The following WWTR1 variants were observed in gnomAD, a reference collection of about 807,000 sequenced individuals.
The protein encoded by WWTR1 is WW domain-containing transcription regulator protein 1.
In WWTR1, 13 loss-of-function variants were observed where a neutral mutation model predicts 40.1. The observed-to-expected ratio is 0.32, with a 90% CI of 0.21 to 0.52. The LOEUF is 0.52. WWTR1 is among the 20% of genes least tolerant of loss of function. The pLI is 0.97. For synonymous variants in WWTR1, 230 were observed against 210.1 expected (o/e 1.09, Z -0.82); for missense variants, 436 against 523.1 (o/e 0.83, Z 1.63).
intron 2 of WWTR1, among the ~76,000 whole-genome samples, chr3:149,574,743 CCTTGCGTGAAAA>C (rs1230505599): frequency 6.6e-6 from 1 of 150,870 alleles, no homozygotes; most frequent in Non-Finnish European, 1.5e-5. Context: ...TCATCCATTG[CCTTGCGTGAAAA>C]CTTGGGTCTA....
intron 2 of WWTR1, among the ~76,000 whole-genome samples, chr3:149,644,296 C>A (rs192428384): frequency 1.2e-4 from 18 of 152,316 alleles, no homozygotes; most frequent in Non-Finnish European, 2.4e-4. Context: ...TCTTTTCCAG[C>A]ACCACTAAAG....
intron 3 of WWTR1, among the ~76,000 whole-genome samples, chr3:149,547,225 T>TAG (rs1736404643): frequency 7.4e-6 from 1 of 134,668 alleles, no homozygotes; most frequent in Non-Finnish European, 1.6e-5. Context: ...ATAGTTCCAT[T>TAG]AAAAAAAAAA....
At chr3:149,673,205 GTC>G (rs1468945542) in intron 1 of WWTR1, among the ~76,000 whole-genome samples, 1 of 152,040 alleles carries the variant, frequency 6.6e-6, no homozygotes, top group African/African-American at 2.4e-5. Flanking sequence ...GTGAGACCCT[GTC>G]TCTGTTTTTT....
upstream of WWTR1, among the ~76,000 whole-genome samples, chr3:149,706,723 T>C (rs548381705): frequency 6.6e-6 from 1 of 152,230 alleles, no homozygotes; most frequent in Admixed American, 6.5e-5. Flanking sequence ...GAGATCATCT[T>C]AATATTATTA....
At chr3:149,570,631 G>A (rs1737571829) in intron 3 of WWTR1, among the ~76,000 whole-genome samples, 1 of 151,238 alleles carries the variant, frequency 6.6e-6, no homozygotes, top group African/African-American at 2.4e-5. Context: ...ATAGAAATCT[G>A]GAAACTAAGG....
intron 2 of WWTR1, among the ~76,000 whole-genome samples, chr3:149,644,423 C>T (rs1712366414): frequency 6.6e-6 from 1 of 152,166 alleles, no homozygotes; most frequent in Admixed American, 6.6e-5. Flanking sequence ...CTGTTTCTCC[C>T]CAGTATGGCT....
At chr3:149,628,196 C>T (rs1269846252) in intron 2 of WWTR1, among the ~76,000 whole-genome samples, 1 of 152,002 alleles carries the variant, frequency 6.6e-6, no homozygotes, top group Non-Finnish European at 1.5e-5. Context: ...CGGTGAAACC[C>T]CGTCCCTATT....
At chr3:149,623,632 T>C (rs1231621281) in intron 2 of WWTR1, among the ~76,000 whole-genome samples, 2 of 152,228 alleles carry the variant, frequency 1.3e-5, no homozygotes, top group Non-Finnish European at 2.9e-5. Flanking sequence ...CATTCTGACA[T>C]CCTTATTTGA....
chr3:149,671,539 A>G (rs978829827), intron 1 of WWTR1, among the ~76,000 whole-genome samples: 3 of 152,234 alleles, frequency 2.0e-5, no homozygotes, highest in African/African-American at 4.8e-5. Flanking sequence ...CTAAAATATT[A>G]CATCGTATGT....
At chr3:149,528,600 T>C (rs1268682420) in intron 4 of WWTR1, among the ~76,000 whole-genome samples, 4 of 152,068 alleles carry the variant, frequency 2.6e-5, no homozygotes, top group African/African-American at 9.7e-5. Flanking sequence ...GAGACCAGCC[T>C]GCAACATGGT....
chr3:149,606,087 A>G (rs1019287794), intron 2 of WWTR1, among the ~76,000 whole-genome samples: 2 of 152,198 alleles, frequency 1.3e-5, no homozygotes, highest in African/African-American at 4.8e-5. Flanking sequence ...TGACTCGGGT[A>G]GAAGGCATGA....
intron 2 of WWTR1, among the ~76,000 whole-genome samples, chr3:149,593,746 T>C (rs567453497): frequency 4.6e-5 from 7 of 152,242 alleles, no homozygotes; most frequent in East Asian, 1.9e-4. Flanking sequence ...GGGGGAGCCA[T>C]TGAATGAAAC....
chr3:149,553,868 A>G (rs1295351910), intron 3 of WWTR1, among the ~76,000 whole-genome samples: 1 of 152,100 alleles, frequency 6.6e-6, no homozygotes, highest in Non-Finnish European at 1.5e-5. Flanking sequence ...TGGAAAACAT[A>G]TGTCTACAGA....
At chr3:149,639,993 CAAAA>C (rs1215330406) in intron 2 of WWTR1, among the ~76,000 whole-genome samples, 5 of 76,252 alleles carry the variant, frequency 6.6e-5, no homozygotes, top group East Asian at 4.6e-4. Flanking sequence ...GACTCCGTCT[CAAAA>C]AAAAAAAAAA....
At chr3:149,643,959 TC>T (rs1712337747) in intron 2 of WWTR1, among the ~76,000 whole-genome samples, 1 of 152,190 alleles carries the variant, frequency 6.6e-6, no homozygotes, top group Non-Finnish European at 1.5e-5. Context: ...TTGTTTCTTC[TC>T]ATTCTATCTG....
intron 3 of WWTR1, among the ~76,000 whole-genome samples, chr3:149,555,712 G>C (rs1736796724): frequency 6.7e-6 from 1 of 148,470 alleles, no homozygotes; most frequent in South Asian, 2.1e-4. Flanking sequence ...AACTATAGAT[G>C]ATTTTTTTTC....
At chr3:149,653,201 A>G (rs904061290) in intron 2 of WWTR1, among the ~76,000 whole-genome samples, 5 of 152,248 alleles carry the variant, frequency 3.3e-5, no homozygotes, top group Non-Finnish European at 5.9e-5. Context: ...GAAGCTAGAT[A>G]ACTTTCTTCT....
At chr3:149,653,357 C>G (rs1713009861) in intron 2 of WWTR1, among the ~76,000 whole-genome samples, 1 of 152,198 alleles carries the variant, frequency 6.6e-6, no homozygotes, top group Non-Finnish European at 1.5e-5. Flanking sequence ...ATTGAGAGGA[C>G]AGCAGGAATA....
intron 4 of WWTR1, among the ~76,000 whole-genome samples, chr3:149,722,698 G>GGCTCTGTTCAC (rs1486295898): frequency 6.6e-6 from 1 of 151,698 alleles, no homozygotes; most frequent in African/African-American, 2.4e-5. Flanking sequence ...AGGTCCCTTA[G>GGCTCTGTTCAC]GCTCTGTTCA....
Sources: allele counts gnomAD v4.1 joint callset (sites outside exome capture counted in the v4.1 genomes callset), GRCh38; gene constraint gnomAD v4.1.1; transcripts MANE v1.5; gene names NCBI Gene and HGNC (gene_info 2026-07-23, HGNC 2026-07-21).